GLIS1: variants seen among roughly 807,000 people sequenced by gnomAD.
The protein encoded by GLIS1 is zinc finger protein GLIS1.
A neutral mutation model predicts 63.8 loss-of-function variants in GLIS1; 24 were observed. The observed-to-expected ratio is 0.38, with a 90% CI of 0.27 to 0.53. The LOEUF (loss-of-function observed/expected upper bound fraction) is 0.53, where lower values mean the gene tolerates loss of function less well. Ranked by LOEUF, GLIS1 falls within the 20% of genes least tolerant of loss-of-function variation. GLIS1 has a pLI of 0.85. For missense variants in GLIS1, 1,036 were observed against 1,074.1 expected (o/e 0.96, Z 0.50); for synonymous variants, 450 against 482.5 (o/e 0.93, Z 0.88).
At chr1:53,520,797 T>C in intron 6 of GLIS1, 31 bp from the exon 7 acceptor site, 1 of 1,579,634 alleles carries the variant, frequency 6.3e-7, no homozygotes, top group Non-Finnish European at 8.6e-7. Flanking sequence ...AAGGAGGTGT[T>C]AGTGTGAGAC....
intron 7 of GLIS1, among the ~76,000 whole-genome samples, chr1:53,518,953 G>C (rs1378110839): frequency 6.6e-6 from 1 of 152,220 alleles, no homozygotes; most frequent in Non-Finnish European, 1.5e-5. Context: ...CCAGGCCTGA[G>C]TCTTCCCAAG....
chr1:53,638,747 G>A (rs1323789125), intron 2 of GLIS1, among the ~76,000 whole-genome samples: 1 of 152,188 alleles, frequency 6.6e-6, no homozygotes, highest in Non-Finnish European at 1.5e-5. Flanking sequence ...CCCAGAACAA[G>A]GAGTGGGGCA....
chr1:53,734,172 T>C (rs1646891511), intron 2 of GLIS1: 2 of 985,232 alleles, frequency 2.0e-6, no homozygotes, highest in Non-Finnish European at 1.2e-6. Context: ...CTCTTTTTTA[T>C]TGCAAGGATG....
At chr1:53,583,537 T>C (rs951434322) in intron 4 of GLIS1, among the ~76,000 whole-genome samples, 2 of 152,184 alleles carry the variant, frequency 1.3e-5, no homozygotes, top group African/African-American at 4.8e-5. Context: ...AGTACCACAT[T>C]GTCCATCTGC....
chr1:53,711,358 T>C (rs1646644868), intron 2 of GLIS1, among the ~76,000 whole-genome samples: 1 of 152,064 alleles, frequency 6.6e-6, no homozygotes, highest in South Asian at 2.1e-4. Context: ...ACCATCACAG[T>C]GGACCCCATC....
chr1:53,674,528 T>C (rs1186806071), intron 2 of GLIS1, among the ~76,000 whole-genome samples: 1 of 152,226 alleles, frequency 6.6e-6, no homozygotes, highest in Admixed American at 6.5e-5. Context: ...CATGTAAATG[T>C]GCTCAGAGGA....
intron 5 of GLIS1, 137 bp downstream of exon 5, chr1:53,529,654 G>A (rs1414709154): frequency 8.2e-6 from 7 of 849,026 alleles, no homozygotes; most frequent in South Asian, 3.3e-5. Context: ...GACACCATCC[G>A]ACCCACTGCC....
chr1:53,508,095 TG>T (rs1300446822), intron 10 of GLIS1, among the ~76,000 whole-genome samples: 1 of 152,058 alleles, frequency 6.6e-6, no homozygotes, highest in Non-Finnish European at 1.5e-5. Flanking sequence ...CCATGAGTCG[TG>T]GGGTGGGTGA....
chr1:53,621,429 CAGGCCCGTGTGGGAGGTGGG>C (rs1175603178), intron 2 of GLIS1, among the ~76,000 whole-genome samples: 3 of 152,264 alleles, frequency 2.0e-5, no homozygotes, highest in Non-Finnish European at 4.4e-5. Flanking sequence ...CACCAAGCCC[CAGGCCCGTGTGGGAGGTGGG>C]CCAACTTGAT....
At chr1:53,702,658 G>A (rs1230810481) in intron 2 of GLIS1, among the ~76,000 whole-genome samples, 2 of 152,214 alleles carry the variant, frequency 1.3e-5, no homozygotes, top group Admixed American at 6.5e-5. Flanking sequence ...CAGGGGTTAC[G>A]GCCACTTGAC....
intron 4 of GLIS1, among the ~76,000 whole-genome samples, chr1:53,543,881 C>A (rs1486196782): frequency 1.3e-5 from 2 of 152,074 alleles, no homozygotes; most frequent in Admixed American, 1.3e-4. Flanking sequence ...GGGAGAAACA[C>A]CCCGTGGCCA....
At chr1:53,551,232 G>A (rs951776195) in intron 4 of GLIS1, among the ~76,000 whole-genome samples, 2 of 152,270 alleles carry the variant, frequency 1.3e-5, no homozygotes, top group African/African-American at 2.4e-5. Context: ...AAAACATCCC[G>A]CCACGGTGGT....
intron 2 of GLIS1, among the ~76,000 whole-genome samples, chr1:53,616,974 C>G (rs72894703): frequency 0.07 from 10,572 of 151,956 alleles, 1,060 homozygotes; most frequent in African/African-American, 0.22. Context: ...AGATCCCAGG[C>G]TCCCTCCTCC....
At chr1:53,640,309 T>G (rs1248060987) in intron 2 of GLIS1, among the ~76,000 whole-genome samples, 1 of 152,188 alleles carries the variant, frequency 6.6e-6, no homozygotes, top group Non-Finnish European at 1.5e-5. Context: ...TACCCAGGGC[T>G]GCATCCACAG....
intron 2 of GLIS1, among the ~76,000 whole-genome samples, chr1:53,678,383 C>CAGCT (rs1646239211): frequency 6.6e-6 from 1 of 151,004 alleles, no homozygotes; most frequent in South Asian, 2.1e-4. Flanking sequence ...GAATGGGCTG[C>CAGCT]AGCTGTTCAA....
At chr1:53,732,968 G>A (rs1646878377) in intron 2 of GLIS1, among the ~76,000 whole-genome samples, 1 of 152,256 alleles carries the variant, frequency 6.6e-6, no homozygotes, top group South Asian at 2.1e-4. Context: ...GTCACTGGTC[G>A]ACTTCCCAAT....
chr1:53,730,469 CT>C (rs1282468546), intron 2 of GLIS1, among the ~76,000 whole-genome samples: 1 of 152,168 alleles, frequency 6.6e-6, no homozygotes, highest in Non-Finnish European at 1.5e-5. Flanking sequence ...CAAATGGGAT[CT>C]GTATTTTTCA....
chr1:53,629,206 T>G (rs570493639), intron 2 of GLIS1, among the ~76,000 whole-genome samples: 5 of 152,090 alleles, frequency 3.3e-5, no homozygotes, highest in African/African-American at 1.2e-4. Flanking sequence ...TGCTTTATGA[T>G]GTTCTCCCTC....
intron 2 of GLIS1, among the ~76,000 whole-genome samples, chr1:53,701,998 GAAAAAAAAAAAA>G (rs919008620): frequency 8.9e-5 from 5 of 56,296 alleles, no homozygotes; most frequent in African/African-American, 2.8e-4. Context: ...ACCTAAAAAA[GAAAAAAAAAAAA>G]AAAAAAAAAA....
Sources: gnomAD v4.1 joint callset for allele counts (sites outside exome capture counted in the v4.1 genomes callset) on GRCh38, gnomAD v4.1.1 for gene constraint, MANE v1.5 for transcripts, NCBI Gene and HGNC (gene_info 2026-07-23, HGNC 2026-07-21) for gene names.